RANBP2: variants seen among roughly 807,000 people sequenced by gnomAD.
RANBP2 encodes E3 SUMO-protein ligase RanBP2.
RANBP2 carries 57 observed loss-of-function variants against 303.6 expected under a neutral mutation model. That is an observed-to-expected ratio of 0.19 (90% CI 0.15 to 0.23). The LOEUF (loss-of-function observed/expected upper bound fraction) is 0.23, where lower values mean the gene tolerates loss of function less well. RANBP2 is among the 10% of genes least tolerant of loss of function. The pLI is 1.00. For missense variants in RANBP2, 3,138 were observed against 3,780.8 expected (o/e 0.83, Z 4.46); for synonymous variants, 1,167 against 1,301.5 (o/e 0.90, Z 2.23).
At chr2:109,111,356 TACAC>T in the RANBP2 span, among the ~76,000 whole-genome samples, 1 of 152,216 alleles carries the variant, frequency 6.6e-6, no homozygotes, top group South Asian at 2.1e-4. Context: ...AATGGTGTTA[TACAC>T]CCATTGCACT....
chr2:109,119,046 T>C, the RANBP2 span, among the ~76,000 whole-genome samples: 1 of 152,194 alleles, frequency 6.6e-6, no homozygotes, highest in African/African-American at 2.4e-5. Flanking sequence ...CAGGCTTTTC[T>C]TGGAAGGCAT....
the RANBP2 span, among the ~76,000 whole-genome samples, chr2:108,900,034 C>T: frequency 1.3e-5 from 2 of 151,996 alleles, no homozygotes; most frequent in African/African-American, 4.8e-5. Flanking sequence ...TTATATGTGT[C>T]AATGCAATGT....
chr2:109,436,487 C>T, the RANBP2 span, among the ~76,000 whole-genome samples: 3 of 152,220 alleles, frequency 2.0e-5, no homozygotes, highest in Admixed American at 6.5e-5. Context: ...AGAGGGGGCC[C>T]GCGTCCTTGC....
chr2:108,757,295 G>A (rs185479011), intron 17 of RANBP2, among the ~76,000 whole-genome samples: 36 of 152,296 alleles, frequency 2.4e-4, no homozygotes, highest in Admixed American at 1.9e-3. Context: ...CAGAGATGAG[G>A]TAGCCACATA....
chr2:109,448,450 C>G, the RANBP2 span, among the ~76,000 whole-genome samples: 2 of 152,126 alleles, frequency 1.3e-5, no homozygotes, highest in East Asian at 3.9e-4. Context: ...TACAGCCCCT[C>G]CTCAACGCTT....
the RANBP2 span, chr2:109,543,660 T>C: frequency 6.6e-6 from 1 of 152,592 alleles, no homozygotes; most frequent in South Asian, 2.1e-4. Context: ...GGTTCTGTAT[T>C]TTCAGTGGCA....
At chr2:109,362,277 GTTCAAAATA>G in the RANBP2 span, among the ~76,000 whole-genome samples, 3 of 152,162 alleles carry the variant, frequency 2.0e-5, no homozygotes, top group African/African-American at 7.2e-5. Context: ...TTTTTATTTA[GTTCAAAATA>G]TTTTTTAAAT....
chr2:108,729,189 C>T lies in RANBP2; in HGVS notation c.130C>T (p.Leu44Phe). 1 of 1,568,606 alleles carries T rather than the reference C, an allele frequency of 6.4e-7. No individual in the cohort carries two copies. ...GTATTATGAAGCTAAAGAATATGAT[C>T]TTGCTAAAAAGTAAGTACAAACTGT... ...KLYYEAKEYD[L>F]AKKYICTYIN... Residue 44 changes from leucine to phenylalanine, a missense_variant, in exon 2 of 29, where the codon CTT becomes TTT. Transcript: ENST00000283195.
chr2:109,249,573 TTCC>T, the RANBP2 span, among the ~76,000 whole-genome samples: 8 of 137,330 alleles, frequency 5.8e-5, no homozygotes, highest in African/African-American at 8.8e-5. Flanking sequence ...CCTTCCTTCC[TTCC>T]TTCCTTCCTT....
At chr2:109,472,146 T>G in the RANBP2 span, among the ~76,000 whole-genome samples, 1 of 152,234 alleles carries the variant, frequency 6.6e-6, no homozygotes, top group Non-Finnish European at 1.5e-5. Flanking sequence ...CAACCACCTG[T>G]GACCTCATGG....
chr2:109,387,248 T>C, the RANBP2 span, among the ~76,000 whole-genome samples: 2 of 152,236 alleles, frequency 1.3e-5, no homozygotes, highest in African/African-American at 2.4e-5. Context: ...ATAACATGAT[T>C]GCAGTAGCTT....
the RANBP2 span, among the ~76,000 whole-genome samples, chr2:109,070,375 T>C: frequency 1.3e-5 from 2 of 152,324 alleles, no homozygotes; most frequent in East Asian, 1.9e-4. Flanking sequence ...GAATGGATTA[T>C]AGTGGGGTGA....
the RANBP2 span, chr2:109,605,527 A>G: frequency 1.3e-5 from 2 of 152,216 alleles, no homozygotes; most frequent in African/African-American, 2.4e-5. Flanking sequence ...GTTAATTCAT[A>G]AAAGTATAAC....
chr2:108,811,247 C>CTCTTTT, the RANBP2 span, among the ~76,000 whole-genome samples: 309 of 113,850 alleles, frequency 2.7e-3, 11 homozygotes, highest in African/African-American at 0.011. Flanking sequence ...TTCTCTCTCT[C>CTCTTTT]TTTTTTTTTT....
the RANBP2 span, among the ~76,000 whole-genome samples, chr2:109,091,416 T>C: frequency 6.6e-6 from 1 of 152,216 alleles, no homozygotes; most frequent in Non-Finnish European, 1.5e-5. Context: ...TATGTATTTT[T>C]CTTTTGTAGT....
chr2:109,076,993 T>C, the RANBP2 span, among the ~76,000 whole-genome samples: 1 of 150,536 alleles, frequency 6.6e-6, no homozygotes, highest in Non-Finnish European at 1.5e-5. Flanking sequence ...TTTCAAATGA[T>C]ACTGCAAAGC....
chr2:109,697,858 GTTT>G, the RANBP2 span, among the ~76,000 whole-genome samples: 2 of 127,640 alleles, frequency 1.6e-5, no homozygotes, highest in Non-Finnish European at 1.6e-5. Context: ...TTAGTCTAAA[GTTT>G]TTTTTTTTTT....
At chr2:109,123,629 A>G in the RANBP2 span, among the ~76,000 whole-genome samples, 1 of 152,212 alleles carries the variant, frequency 6.6e-6, no homozygotes, top group African/African-American at 2.4e-5. Context: ...CTCAGTAGCA[A>G]TGTGACATTG....
the RANBP2 span, among the ~76,000 whole-genome samples, chr2:109,080,617 T>C: frequency 6.6e-6 from 1 of 152,164 alleles, no homozygotes; most frequent in East Asian, 1.9e-4. Flanking sequence ...TCTTTTCCCC[T>C]GGAGATAGTG....
Sources: allele counts gnomAD v4.1 joint callset (sites outside exome capture counted in the v4.1 genomes callset), GRCh38; gene constraint gnomAD v4.1.1; transcripts MANE v1.5; gene names NCBI Gene and HGNC (gene_info 2026-07-23, HGNC 2026-07-21).